The following PATJ variants were observed in gnomAD, a reference collection of about 807,000 sequenced individuals.
PATJ encodes inaD-like protein.
In PATJ, 190 loss-of-function variants were observed where a neutral mutation model predicts 224.9. The observed-to-expected ratio is 0.84, with a 90% confidence interval of 0.75 to 0.95. The LOEUF is 0.95. Ranked by LOEUF, PATJ falls within the 40% of genes least tolerant of loss-of-function variation. The pLI, the probability that PATJ is intolerant of heterozygous loss-of-function variation, is 0.00. For synonymous variants in PATJ, 769 were observed against 820.3 expected (o/e 0.94, Z 1.07); for missense variants, 2,121 against 2,270.3 (o/e 0.93, Z 1.34).
At chr1:62,160,250 C>T (rs938332562) in intron 43 of PATJ, among the ~76,000 whole-genome samples, 1 of 151,932 alleles carries the variant, frequency 6.6e-6, no homozygotes, top group Admixed American at 6.6e-5. Flanking sequence ...GGCTTTGTGC[C>T]GTTTTGAGGA....
At chr1:62,040,552 C>G (rs1651286192) in intron 30 of PATJ, among the ~76,000 whole-genome samples, 1 of 152,080 alleles carries the variant, frequency 6.6e-6, no homozygotes, top group African/African-American at 2.4e-5. Flanking sequence ...AAAGAAAAAG[C>G]CAGACATTCA....
chr1:61,840,494 T>A (rs1210938477), intron 17 of PATJ, among the ~76,000 whole-genome samples: 1 of 151,990 alleles, frequency 6.6e-6, no homozygotes, highest in Admixed American at 6.6e-5. Context: ...TAGTACTTAT[T>A]TAATTTTAAA....
At chr1:62,076,755 C>T (rs1227829036) in intron 31 of PATJ, among the ~76,000 whole-genome samples, 1 of 152,164 alleles carries the variant, frequency 6.6e-6, no homozygotes, top group African/African-American at 2.4e-5. Flanking sequence ...CTCTTTAGTG[C>T]TTTCTTATTT....
chr1:61,972,391 A>G lies in PATJ; in HGVS notation c.3671-17777A>G, dbSNP rs1049379829. On this transcript the variant is annotated intron_variant, in intron 27 of 43. Coordinates refer to ENST00000642238, the MANE Select transcript of PATJ (RefSeq NM_001350145.3). The stretch of plus-strand genomic sequence containing the variant: ...GCTCAACTTGTATTAAACAATTTAT[A>G]ATATTGCTGATGTTCTTTCTCATAA... Among the ~76,000 whole-genome samples the G allele has an allele frequency of 4.9e-4, 75 of 152,016 alleles. 2 individuals carry two copies.
At chr1:61,878,851 T>C (rs1174306517) in intron 21 of PATJ, among the ~76,000 whole-genome samples, 1 of 151,800 alleles carries the variant, frequency 6.6e-6, no homozygotes, top group African/African-American at 2.4e-5. Context: ...TGGCACAATC[T>C]CGGCTCACTA....
chr1:61,758,897 C>T (rs1489212315), intron 1 of PATJ, among the ~76,000 whole-genome samples: 1 of 152,056 alleles, frequency 6.6e-6, no homozygotes, highest in Non-Finnish European at 1.5e-5. Context: ...AGCCACTGAA[C>T]CTGCCAAGGG....
intron 29 of PATJ, 55 bp from the exon 30 acceptor site, chr1:62,037,922 G>T: frequency 9.3e-7 from 1 of 1,077,088 alleles, no homozygotes; most frequent in Admixed American, 2.0e-5. Context: ...TATAATTTGA[G>T]CCAGGAACTT....
chr1:61,777,724 T>TTTTTTTTTTTTTTTC lies in PATJ; in HGVS notation c.849+2393_849+2394insTTTTTTTTTTTCTTT, dbSNP rs765662896. Among the ~76,000 whole-genome samples, 40 of 106,018 alleles carry TTTTTTTTTTTTTTTC rather than the reference T, an allele frequency of 3.8e-4. 2 individuals are homozygous for TTTTTTTTTTTTTTTC. Among genetic ancestry groups the TTTTTTTTTTTTTTTC allele is most frequent in the African/African-American group, 9.0e-4 (24 of 26,678 alleles). The allele number at this position is 106,018 out of a possible 152,430, so 69.6% of individuals were successfully genotyped here. A position where few individuals can be genotyped will look rare whatever the true frequency, so the allele number is the denominator to read the frequency against. On this transcript the variant is annotated intron_variant, in intron 7 of 43. Coordinates refer to ENST00000642238, the MANE Select transcript of PATJ (RefSeq NM_001350145.3). ...CTTTCTTTTTTTTTTTTTTTTTTTTTTTTAGCATAGTCTTGCTCTTTTGCC... is the reference window on the plus strand; with the variant it reads ...CTTTCTTTTTTTTTTTTTTTTTTTTTTTTTTTTTTTTTTTCTTTAGCATAGTCTTGCTCTTTTGCC...
At chr1:61,917,102 G>A (rs1393548846) in intron 26 of PATJ, among the ~76,000 whole-genome samples, 1 of 152,164 alleles carries the variant, frequency 6.6e-6, no homozygotes, top group Admixed American at 6.5e-5. Context: ...CTAATCTTGT[G>A]GCTAATTTGT....
At chr1:62,067,284 G>A (rs551582462) in intron 31 of PATJ, among the ~76,000 whole-genome samples, 63 of 151,696 alleles carry the variant, frequency 4.2e-4, no homozygotes, top group Middle Eastern at 3.4e-3. Flanking sequence ...ATGCCACCAC[G>A]CCCGGCTAAT....
chr1:62,117,495 C>G, intron 37 of PATJ: 1 of 950,348 alleles, frequency 1.1e-6, no homozygotes, highest in Non-Finnish European at 1.3e-6. Flanking sequence ...ATGTACACAG[C>G]TGTGTTTATT....
At chr1:62,007,630 C>T (rs1646169904) in intron 28 of PATJ, among the ~76,000 whole-genome samples, 1 of 152,172 alleles carries the variant, frequency 6.6e-6, no homozygotes, top group Non-Finnish European at 1.5e-5. Flanking sequence ...AATAATTGTC[C>T]CAGTCAGCTT....
intron 14 of PATJ, among the ~76,000 whole-genome samples, chr1:61,821,717 A>G (rs1657305452): frequency 6.6e-6 from 1 of 152,028 alleles, no homozygotes; most frequent in African/African-American, 2.4e-5. Context: ...CTTATAAAAT[A>G]TAGTTCGAGG....
At chr1:61,937,876 C>G (rs1181926149) in intron 27 of PATJ, among the ~76,000 whole-genome samples, 1 of 152,088 alleles carries the variant, frequency 6.6e-6, no homozygotes, top group Non-Finnish European at 1.5e-5. Flanking sequence ...TCTCAAACTC[C>G]CAACCTCAGA....
intron 20 of PATJ, among the ~76,000 whole-genome samples, chr1:61,865,903 T>C (rs6587948): frequency 0.58 from 87,970 of 151,988 alleles, 26,350 homozygotes; most frequent in East Asian, 0.82. Context: ...TTCCTCACTT[T>C]GTCCCTCATG....
intron 17 of PATJ, chr1:61,846,107 A>G (rs1453057202): frequency 6.6e-6 from 1 of 152,178 alleles, no homozygotes; most frequent in African/African-American, 2.4e-5. Flanking sequence ...TCTCATAGTA[A>G]TAATAGTAAT....
intron 42 of PATJ, among the ~76,000 whole-genome samples, chr1:62,149,139 A>AG (rs985951706): frequency 2.7e-5 from 4 of 148,960 alleles, no homozygotes; most frequent in Non-Finnish European, 5.9e-5. Context: ...AAAAAAAAAA[A>AG]AAAAAAAAGA....
At chr1:61,763,493 C>T (rs931682119) in intron 3 of PATJ, among the ~76,000 whole-genome samples, 7 of 149,024 alleles carry the variant, frequency 4.7e-5, no homozygotes, top group African/African-American at 1.5e-4. Context: ...GATCATGCCA[C>T]TGCACTCCAG....
chr1:61,957,461 G>A lies in PATJ; in HGVS notation c.3670+29632G>A, dbSNP rs546434689. On this transcript the variant is annotated intron_variant, in intron 27 of 43. Coordinates refer to ENST00000642238, the MANE Select transcript of PATJ (RefSeq NM_001350145.3). The stretch of plus-strand genomic sequence containing the variant: ...TGGGCAGATTATTTTCCTGCTTTCC[G>A]TCTTTTTTTTCTTACTTTAATTGAG... 2.7e-4 allele frequency among the ~76,000 whole-genome samples: 41 copies of A among 152,168 alleles called. 1 individual carries two copies. The South Asian group carries it at 8.1e-3, about 30-fold the overall frequency.
Sources: allele counts gnomAD v4.1 joint callset (sites outside exome capture counted in the v4.1 genomes callset), GRCh38; gene constraint gnomAD v4.1.1; transcripts MANE v1.5; gene names NCBI Gene and HGNC (gene_info 2026-07-23, HGNC 2026-07-21).